Variants in FAM149B1 observed in about 807,000 individuals in gnomAD.
The protein encoded by FAM149B1 is family with sequence similarity 149 member B1, also known as primary cilium assembly protein FAM149B1.
Under a neutral mutation model 75.3 loss-of-function variants are expected in FAM149B1, and 56 were observed. The ratio of observed to expected loss-of-function variants is 0.74; its 90% confidence interval spans 0.60 to 0.93. The LOEUF (loss-of-function observed/expected upper bound fraction) is 0.93. FAM149B1 is among the 40% of genes least tolerant of loss of function. The pLI, the probability that FAM149B1 is intolerant of heterozygous loss-of-function variation, is 0.00. For synonymous variants in FAM149B1, 259 were observed against 256.1 expected (o/e 1.01, Z -0.11); for missense variants, 639 against 708.4 (o/e 0.90, Z 1.11).
chr10:73,189,958 AAAGATATT>A (rs1377353321), intron 3 of FAM149B1, among the ~76,000 whole-genome samples: 2 of 152,244 alleles, frequency 1.3e-5, no homozygotes, highest in African/African-American at 4.8e-5. Context: ...CAAAGCAGGT[AAAGATATT>A]AACTTAAGAA....
chr10:73,168,512 C>G (rs550123810), intron 1 of FAM149B1, 126 bp downstream of exon 1: 2 of 1,150,658 alleles, frequency 1.7e-6, no homozygotes, highest in Non-Finnish European at 2.4e-6. Context: ...GAATTCTCTC[C>G]TCTCAGCCCT....
At chr10:73,220,172 T>C (rs976659237) in intron 7 of FAM149B1, among the ~76,000 whole-genome samples, 2 of 151,930 alleles carry the variant, frequency 1.3e-5, no homozygotes, top group African/African-American at 4.8e-5. Context: ...ATTAGGGAAG[T>C]GCAAATAAAA....
At chr10:73,218,910 T>G (rs2043350017) in intron 7 of FAM149B1, among the ~76,000 whole-genome samples, 1 of 152,174 alleles carries the variant, frequency 6.6e-6, no homozygotes, top group Non-Finnish European at 1.5e-5. Context: ...TAGGCCTCAC[T>G]TTCAACACAT....
At chr10:73,236,856 C>T (rs2043835135) in intron 12 of FAM149B1, among the ~76,000 whole-genome samples, 1 of 151,918 alleles carries the variant, frequency 6.6e-6, no homozygotes, top group African/African-American at 2.4e-5. Context: ...GCTGGGACTA[C>T]AGGCACATGC....
intron 7 of FAM149B1, among the ~76,000 whole-genome samples, chr10:73,218,161 T>TA (rs1341118265): frequency 2.0e-5 from 3 of 152,106 alleles, no homozygotes; most frequent in Non-Finnish European, 2.9e-5. Flanking sequence ...AATGGAAGGT[T>TA]AAAAAAAGGG....
At chr10:73,235,075 G>A (rs771223827) in intron 11 of FAM149B1, 118 bp from the exon 12 acceptor site, 79 of 1,446,360 alleles carry the variant, frequency 5.5e-5, no homozygotes, top group Non-Finnish European at 6.9e-5. Context: ...AATTTATGAC[G>A]TGGAATTGGA....
chr10:73,229,706 T>G (rs2043640227), intron 8 of FAM149B1, among the ~76,000 whole-genome samples: 2 of 152,222 alleles, frequency 1.3e-5, no homozygotes, highest in Admixed American at 1.3e-4. Context: ...TTTAGTGACC[T>G]AAGCCCTGAA....
At chr10:73,173,295 CAA>C (rs1195709209) in intron 1 of FAM149B1, among the ~76,000 whole-genome samples, 1 of 152,144 alleles carries the variant, frequency 6.6e-6, no homozygotes, top group East Asian at 1.9e-4. Flanking sequence ...GACGTTGGTA[CAA>C]TACTGTTAAC....
intron 7 of FAM149B1, among the ~76,000 whole-genome samples, chr10:73,225,312 C>T (rs1011735861): frequency 3.3e-5 from 5 of 152,176 alleles, no homozygotes; most frequent in Admixed American, 2.0e-4. Flanking sequence ...ATGTGTGTTA[C>T]ACAACCTTTG....
intron 3 of FAM149B1, among the ~76,000 whole-genome samples, chr10:73,189,232 G>T (rs574457448): frequency 2.0e-5 from 3 of 152,250 alleles, no homozygotes; most frequent in Admixed American, 2.0e-4. Flanking sequence ...AAATTAAAAA[G>T]ACTGACAATA....
At chr10:73,188,687 T>C (rs2042592190) in intron 3 of FAM149B1, among the ~76,000 whole-genome samples, 1 of 144,662 alleles carries the variant, frequency 6.9e-6, no homozygotes, top group Non-Finnish European at 1.5e-5. Context: ...GTCGTGCCAC[T>C]GCACTCCAGC....
chr10:73,170,187 A>G (rs1843651934), intron 1 of FAM149B1, among the ~76,000 whole-genome samples: 2 of 152,244 alleles, frequency 1.3e-5, no homozygotes, highest in Admixed American at 6.5e-5. Context: ...TTTCTGCAAT[A>G]TAGGAGTAAC....
chr10:73,241,132 TGAA>T lies in FAM149B1; in HGVS notation c.*116_*118del, dbSNP rs2043943279. 2 of 717,826 alleles carry T rather than the reference TGAA, an allele frequency of 2.8e-6. No homozygotes were observed. The highest frequency in any genetic ancestry group is 4.2e-5 in the Admixed American group (2 of 47,456). 44.5% of individuals were successfully genotyped at this position (717,826 alleles called of 1,614,324 possible). A position where few individuals can be genotyped will look rare whatever the true frequency, so the allele number is the denominator to read the frequency against. On this transcript the variant is annotated 3_prime_UTR_variant, in exon 14 of 14. Coordinates refer to ENST00000242505, the MANE Select transcript of FAM149B1 (RefSeq NM_173348.2). ...GAAGATCGACTAGAAATCATCTTCA[TGAA>T]GAGTGATTTTGGCACAAGTGACCGA...
At chr10:73,231,336 T>C (rs927746134) in intron 9 of FAM149B1, 22 of 151,754 alleles carry the variant, frequency 1.4e-4, no homozygotes, top group African/African-American at 5.4e-4. Flanking sequence ...CTCATTTCTC[T>C]TGAGTTGATA....
intron 9 of FAM149B1, among the ~76,000 whole-genome samples, chr10:73,232,322 T>C (rs1409097095): frequency 6.6e-6 from 1 of 152,192 alleles, no homozygotes; most frequent in Non-Finnish European, 1.5e-5. Context: ...AAAAGGGTTG[T>C]ATTTCAGTTA....
chr10:73,169,616 C>T (rs540624091), intron 1 of FAM149B1, among the ~76,000 whole-genome samples: 219 of 152,126 alleles, frequency 1.4e-3, no homozygotes, highest in Admixed American at 2.9e-3. Context: ...ACCACCACAA[C>T]TGGCTAATTA....
intron 12 of FAM149B1, among the ~76,000 whole-genome samples, chr10:73,237,966 T>TAA (rs140492282): frequency 6.6e-6 from 1 of 151,272 alleles, no homozygotes; most frequent in African/African-American, 2.4e-5. Flanking sequence ...TTAAGTTTAT[T>TAA]AAAAAAAAAG....
intron 8 of FAM149B1, 102 bp downstream of exon 8, chr10:73,228,286 G>A: frequency 3.3e-6 from 3 of 922,348 alleles, no homozygotes; most frequent in South Asian, 1.6e-5. Flanking sequence ...GACTCAATAT[G>A]TTTTAGTACA....
chr10:73,192,346 A>G, intron 3 of FAM149B1: 1 of 522,718 alleles, frequency 1.9e-6, no homozygotes, highest in Non-Finnish European at 3.3e-6. Flanking sequence ...ACATTTATCT[A>G]AATTTTCTTT....
Sources: allele counts gnomAD v4.1 joint callset (sites outside exome capture counted in the v4.1 genomes callset), GRCh38; gene constraint gnomAD v4.1.1; transcripts MANE v1.5; gene names NCBI Gene and HGNC (gene_info 2026-07-23, HGNC 2026-07-21).